Variants in ACSBG1 observed in about 807,000 individuals in gnomAD.
ACSBG1 encodes the protein long-chain-fatty-acid--CoA ligase ACSBG1.
ACSBG1 carries 39 observed loss-of-function variants against 80.2 expected under a neutral mutation model. The ratio of observed to expected loss-of-function variants is 0.49; its 90% CI spans 0.38 to 0.64. ACSBG1 has a LOEUF of 0.64. Among genes scored for constraint, ACSBG1 ranks in the 30% least tolerant of loss-of-function variants. ACSBG1 has a pLI of 0.00. For synonymous variants in ACSBG1, 392 were observed against 379.5 expected (o/e 1.03, Z -0.38); for missense variants, 828 against 966.4 (o/e 0.86, Z 1.90).
intron 2 of ACSBG1, among the ~76,000 whole-genome samples, chr15:78,198,510 C>T (rs528237636): frequency 1.3e-5 from 2 of 151,774 alleles, no homozygotes; most frequent in African/African-American, 4.8e-5. Flanking sequence ...CCATGCCTGG[C>T]TAATTTTTGC....
At chr15:78,187,045 C>A (rs1029280766) in intron 5 of ACSBG1, among the ~76,000 whole-genome samples, 4 of 152,164 alleles carry the variant, frequency 2.6e-5, no homozygotes, top group Middle Eastern at 3.2e-3. Flanking sequence ...ACTACAAACA[C>A]CTCTACTCAA....
rs147152142 is a variant in ACSBG1 at position 78,193,479 on chromosome 15, C to T, written c.663+27G>A. The T allele has an allele frequency of 6.3e-6, 10 of 1,592,136 alleles. No homozygotes were observed. The African/African-American group carries it at 1.3e-4, about 21-fold the overall frequency. On this transcript the variant is annotated intron_variant, in intron 5 of 13. Transcript: ENST00000258873. ...TGCATGGGGATACCCAGCATCTGAC[C>T]CCATGCCCACTGCCTCTTCCCCAAA... is the stretch of plus-strand genomic sequence containing the variant.
At chr15:78,226,170 C>T (rs947311594) in intron 1 of ACSBG1, among the ~76,000 whole-genome samples, 2 of 151,988 alleles carry the variant, frequency 1.3e-5, no homozygotes, top group African/African-American at 2.4e-5. Flanking sequence ...TCAAAATGTA[C>T]AATTAAATTG....
Position 78,173,782 on chromosome 15 carries a change from C to T in ACSBG1, c.1900G>A (p.Glu634Lys), listed in dbSNP as rs766224860. 4.3e-6 allele frequency: 7 copies of T among 1,614,058 alleles called. No homozygotes were observed. The South Asian group carries it at 7.7e-5, about 18-fold the overall frequency. ...CTGCTGCCCACCCTCTGGCAGAACT[C>T]CATAGCTTGTTCAGTCAGATTATCA... Reference protein sequence around the residue: ...QTDNLTEQAMEFCQRVGSRAT... With the variant: ...QTDNLTEQAMKFCQRVGSRAT... The change falls in exon 13 of 14, where the codon GAG becomes AAG. Residue 634 changes from glutamate (E) to lysine (K), a missense_variant. Glu to Lys is a moderately conservative substitution (Grantham distance 56). Around this residue, in one of 3 missense-constraint regions of ACSBG1, gnomAD observed 201 missense variants for 227.0 expected, o/e 0.89. Coordinates refer to ENST00000258873, the MANE Select transcript of ACSBG1 (RefSeq NM_015162.5).
intron 1 of ACSBG1, among the ~76,000 whole-genome samples, chr15:78,232,687 C>CTTT (rs1270103449): frequency 6.9e-6 from 1 of 144,350 alleles, no homozygotes; most frequent in Non-Finnish European, 1.5e-5. Context: ...TCTTTTTCTT[C>CTTT]TTTTTTTTTT....
chr15:78,187,846 A>G (rs2141339688), intron 5 of ACSBG1, among the ~76,000 whole-genome samples: 1 of 152,302 alleles, frequency 6.6e-6, no homozygotes, highest in South Asian at 2.1e-4. Context: ...AGGAGAAGGA[A>G]ATAAAGGGTA....
chr15:78,207,790 A>C, intron 2 of ACSBG1: 2 of 570,648 alleles, frequency 3.5e-6, no homozygotes, highest in South Asian at 4.6e-5. Context: ...AAATCTCCCC[A>C]TCCCTCATTC....
At position 78,178,870 on chromosome 15, in the gene ACSBG1, C is replaced by T. The variant is rs778539887; in HGVS notation, c.1485-39G>A. On this transcript the variant is annotated intron_variant, in intron 10 of 13. Coordinates refer to ENST00000258873, the MANE Select transcript of ACSBG1 (RefSeq NM_015162.5). This position sits in a 1 kb window ranked among gnomAD's most constrained non-coding sequence, Gnocchi z 4.3. ...GGCCGGGAGACTGGTCAGAGGGAGC[C>T]GTCTCCTCCAAGCCCCCACTGGGGA... is the stretch of plus-strand genomic sequence containing the variant. 13 of 1,560,608 alleles carry T rather than the reference C, an allele frequency of 8.3e-6. No homozygotes were observed. The highest frequency in any genetic ancestry group is 4.1e-5 in the African/African-American group (3 of 73,730).
At chr15:78,193,437 G>T (rs2075075811) in intron 5 of ACSBG1, 69 bp downstream of exon 5, 1 of 1,546,326 alleles carries the variant, frequency 6.5e-7, no homozygotes, top group African/African-American at 1.4e-5. Context: ...AAGGTTCCGT[G>T]TGAGTTGGAG....
chr15:78,189,007 G>A (rs1272993690), intron 5 of ACSBG1, among the ~76,000 whole-genome samples: 26 of 149,958 alleles, frequency 1.7e-4, no homozygotes, highest in South Asian at 4.2e-4. Flanking sequence ...AAAAGTGGGC[G>A]AAGGACATGA....
intron 1 of ACSBG1, among the ~76,000 whole-genome samples, chr15:78,221,252 G>A (rs867653594): frequency 1.3e-5 from 2 of 152,114 alleles, no homozygotes; most frequent in African/African-American, 2.4e-5. Context: ...TCACTATCTC[G>A]GTAAGGGGAG....
Position 78,173,772 on chromosome 15 carries a change from T to C in ACSBG1, c.1910A>G (p.Gln637Arg). The change falls in exon 13 of 14, where the codon CAG (glutamine) becomes CGG (arginine). Residue 637 changes from glutamine (Q) to arginine (R), a missense_variant. By Grantham distance (43) the Gln-to-Arg change is conservative (BLOSUM62 1). Transcript: ENST00000258873. ...NLTEQAMEFC[Q>R]RVGSRATTVS... ...TGTGGTGGCTCTGCTGCCCACCCTC[T>C]GGCAGAACTCCATAGCTTGTTCAGT... The C allele has an allele frequency of 1.9e-6, 3 of 1,614,242 alleles. No individual in the cohort carries two copies. The highest frequency in any genetic ancestry group is 2.5e-6 in the Non-Finnish European group (3 of 1,180,048).
intron 1 of ACSBG1, among the ~76,000 whole-genome samples, chr15:78,215,510 G>T (rs180854553): frequency 6.4e-4 from 97 of 152,214 alleles, no homozygotes; most frequent in Admixed American, 1.8e-3. Flanking sequence ...TGCAAAATTA[G>T]CTGGGCGTGG....
In ACSBG1 at chr15:78,177,659, C is replaced by T. The variant is rs570995871; in HGVS notation, c.1702+955G>A. 1.5e-4 allele frequency among the ~76,000 whole-genome samples: 23 copies of T among 152,312 alleles called. No individual in the cohort carries two copies. The South Asian group carries it at 3.7e-3, about 25-fold the overall frequency. ...CAGCCTGCACATCCCAGGGCCCAAACGCCACCGCGACCTTTTGTCCCTCCC... is the reference window on the plus strand; with the variant it reads ...CAGCCTGCACATCCCAGGGCCCAAATGCCACCGCGACCTTTTGTCCCTCCC... On this transcript the variant is annotated intron_variant, in intron 11 of 13. Coordinates refer to ENST00000258873, the MANE Select transcript of ACSBG1 (RefSeq NM_015162.5). This position sits in a 1 kb window ranked among gnomAD's most constrained non-coding sequence, Gnocchi z 4.1.
chr15:78,190,910 C>A (rs1255842383), intron 5 of ACSBG1, among the ~76,000 whole-genome samples: 1 of 151,878 alleles, frequency 6.6e-6, no homozygotes, highest in East Asian at 1.9e-4. Context: ...AGAAAAGGAA[C>A]AAAGAATAGA....
intron 2 of ACSBG1, among the ~76,000 whole-genome samples, chr15:78,197,219 T>G (rs1383167627): frequency 6.6e-6 from 1 of 151,972 alleles, no homozygotes; most frequent in African/African-American, 2.4e-5. Context: ...GAAAGCAGAT[T>G]CGTGTTTGCC....
At chr15:78,220,420 T>G (rs756173214) in intron 1 of ACSBG1, among the ~76,000 whole-genome samples, 1 of 150,856 alleles carries the variant, frequency 6.6e-6, no homozygotes, top group Non-Finnish European at 1.5e-5. Flanking sequence ...GTTAGGCAAG[T>G]TTTTTTTTAG....
intron 1 of ACSBG1, among the ~76,000 whole-genome samples, chr15:78,228,380 G>A (rs1401816417): frequency 6.6e-6 from 1 of 152,202 alleles, no homozygotes; most frequent in Non-Finnish European, 1.5e-5. Flanking sequence ...GGTCAGAGTA[G>A]ATTGATAATA....
intron 2 of ACSBG1, among the ~76,000 whole-genome samples, chr15:78,203,038 C>T (rs1595893717): frequency 6.6e-6 from 1 of 152,256 alleles, no homozygotes; most frequent in East Asian, 1.9e-4. Flanking sequence ...AGTATAACAT[C>T]AAGTGAAAAG....
Sources: gnomAD v4.1 joint callset for allele counts (sites outside exome capture counted in the v4.1 genomes callset) on GRCh38, gnomAD v4.1.1 for gene constraint, gnomAD v4.1.1 regional missense constraint, Gnocchi (gnomAD v3.1) non-coding constraint, MANE v1.5 for transcripts, NCBI Gene and HGNC (gene_info 2026-07-23, HGNC 2026-07-21) for gene names.